SORCS1: variants seen among roughly 807,000 people sequenced by gnomAD.
The protein encoded by SORCS1 is sortilin related VPS10 domain containing receptor 1.
SORCS1 carries 60 observed loss-of-function variants against 146.1 expected under a neutral mutation model. The observed-to-expected ratio is 0.41, with a 90% CI of 0.33 to 0.51. The LOEUF (loss-of-function observed/expected upper bound fraction) is 0.51. Among genes scored for constraint, SORCS1 ranks in the 20% least tolerant of loss-of-function variants. The pLI is 0.21. For synonymous variants in SORCS1, 637 were observed against 584.0 expected (o/e 1.09, Z -1.31); for missense variants, 1,352 against 1,487.6 (o/e 0.91, Z 1.50).
chr10:106,641,903 T>C (rs1307295916), intron 18 of SORCS1, among the ~76,000 whole-genome samples: 1 of 152,190 alleles, frequency 6.6e-6, no homozygotes, highest in Admixed American at 6.5e-5. Context: ...AAACTCAATA[T>C]AACAGAGGTC....
At chr10:107,111,390 GA>G (rs1965690797) in intron 1 of SORCS1, among the ~76,000 whole-genome samples, 1 of 152,016 alleles carries the variant, frequency 6.6e-6, no homozygotes, top group Non-Finnish European at 1.5e-5. Context: ...GAATCAAACA[GA>G]AATCCTAGAG....
chr10:106,853,697 AT>A (rs1311614094), intron 2 of SORCS1, among the ~76,000 whole-genome samples: 1 of 151,316 alleles, frequency 6.6e-6, no homozygotes, highest in Admixed American at 6.6e-5. Flanking sequence ...TTCTCTTGAG[AT>A]TTTTTCTTTG....
intron 1 of SORCS1, among the ~76,000 whole-genome samples, chr10:107,157,679 T>C (rs547640073): frequency 1.1e-4 from 16 of 152,318 alleles, no homozygotes; most frequent in Admixed American, 3.9e-4. Flanking sequence ...CCTATCTACA[T>C]TCTAGGATAA....
chr10:106,606,025 G>A (rs78165048), intron 23 of SORCS1, among the ~76,000 whole-genome samples: 2 of 152,122 alleles, frequency 1.3e-5, no homozygotes, highest in African/African-American at 4.8e-5. Context: ...TTACTTAGTG[G>A]CCGAGAGGAA....
chr10:107,130,668 T>C (rs7083707), intron 1 of SORCS1, among the ~76,000 whole-genome samples: 13,153 of 151,956 alleles, frequency 0.087, 651 homozygotes, highest in African/African-American at 0.15. Flanking sequence ...TTGGCCCTTA[T>C]CCTACCTGAA....
rs1471957015 is a variant in SORCS1 at position 107,060,701 on chromosome 10, T to C, written c.558+103268A>G. ...TCACGGTTTTCTCCTCTCTTGACAC[T>C]TGCAGTCATGTTTACTCTTAGACAA... On this transcript the variant is annotated intron_variant, in intron 1 of 25. Coordinates refer to ENST00000263054, the MANE Select transcript of SORCS1 (RefSeq NM_052918.5). This position sits in a 1 kb window ranked among gnomAD's most constrained non-coding sequence, Gnocchi z 4.1. 6.6e-6 allele frequency among the ~76,000 whole-genome samples: 1 copy of C among 152,214 alleles called. No homozygotes were observed. Among genetic ancestry groups the C allele is most frequent in the Non-Finnish European group, 1.5e-5 (1 of 68,042 alleles).
chr10:106,877,545 C>CA (rs950804383), intron 2 of SORCS1, among the ~76,000 whole-genome samples: 5 of 151,968 alleles, frequency 3.3e-5, no homozygotes, highest in Non-Finnish European at 7.4e-5. Flanking sequence ...CAGAACAAAA[C>CA]AAAAAACTGA....
At chr10:106,971,648 G>T (rs1955791015) in intron 1 of SORCS1, among the ~76,000 whole-genome samples, 1 of 152,196 alleles carries the variant, frequency 6.6e-6, no homozygotes, top group African/African-American at 2.4e-5. Context: ...TGTAAAACAT[G>T]TCTATGATCT....
intron 1 of SORCS1, among the ~76,000 whole-genome samples, chr10:107,133,677 T>C (rs538126002): frequency 3.3e-5 from 5 of 152,312 alleles, no homozygotes; most frequent in Admixed American, 6.5e-5. Flanking sequence ...TTTCTTACTT[T>C]CTTCCCTTGT....
intron 1 of SORCS1, among the ~76,000 whole-genome samples, chr10:107,115,316 G>A (rs1042116227): frequency 6.6e-6 from 1 of 150,844 alleles, no homozygotes; most frequent in East Asian, 1.9e-4. Context: ...TGAAGAAAAA[G>A]AACAAAGCTA....
At chr10:107,099,995 G>A (rs10787008) in intron 1 of SORCS1, among the ~76,000 whole-genome samples, 80,831 of 152,056 alleles carry the variant, frequency 0.53, 22,144 homozygotes, top group Middle Eastern at 0.66. Flanking sequence ...AAACTCTCTT[G>A]CATTTGCACA....
chr10:107,125,743 T>G (rs749431121), intron 1 of SORCS1, among the ~76,000 whole-genome samples: 1 of 152,232 alleles, frequency 6.6e-6, no homozygotes, highest in African/African-American at 2.4e-5. Flanking sequence ...TGTGTCTTAA[T>G]TGAATCATTC....
At chr10:106,603,536 T>A (rs1267145376) in intron 23 of SORCS1, among the ~76,000 whole-genome samples, 1 of 152,172 alleles carries the variant, frequency 6.6e-6, no homozygotes, top group Non-Finnish European at 1.5e-5. Context: ...GAAGGAGGAC[T>A]GAGAGTCCTT....
chr10:107,023,470 C>T (rs1056408864), intron 1 of SORCS1, among the ~76,000 whole-genome samples: 1 of 152,122 alleles, frequency 6.6e-6, no homozygotes, highest in Non-Finnish European at 1.5e-5. Context: ...CAAATTTAAT[C>T]CCATAAACAT....
At chr10:106,849,400 C>T (rs1949448671) in intron 2 of SORCS1, among the ~76,000 whole-genome samples, 1 of 147,888 alleles carries the variant, frequency 6.8e-6, no homozygotes, top group African/African-American at 2.5e-5. Flanking sequence ...CTTCTGCATT[C>T]TTCAGGTAGT....
Position 106,770,501 on chromosome 10 carries a change from C to T in SORCS1, c.885+6033G>A, listed in dbSNP as rs181705679. Among the ~76,000 whole-genome samples, 1,325 of 146,716 alleles carry T rather than the reference C, an allele frequency of 9.0e-3. 23 individuals carry two copies. Among genetic ancestry groups the T allele is most frequent in the African/African-American group, 0.032 (1,258 of 39,912 alleles). On this transcript the variant is annotated intron_variant, in intron 4 of 25. Transcript: ENST00000263054. ...ATCGCAAAAAAAAAAAAAAAATTAA[C>T]ATCTTCTCAAATAAAATCAAAAGAG...
At position 106,574,750 on chromosome 10, in the gene SORCS1, A is replaced by G. The variant is rs1844506761; in HGVS notation, c.*2670T>C. The G allele has an allele frequency of 6.6e-6, 1 of 152,246 alleles. No individual in the cohort carries two copies. The highest frequency in any genetic ancestry group is 6.6e-5 in the Admixed American group (1 of 15,258). 9.4% of individuals were successfully genotyped at this position (152,246 alleles called of 1,614,324 possible). A position where few individuals can be genotyped will look rare whatever the true frequency, so the allele number is the denominator to read the frequency against. ...AACAACTGGCCAAGGTCCTAAGAAC[A>G]ATGAGGTCCTCCTCTCTGAGCAGCA... On this transcript the variant is annotated 3_prime_UTR_variant, in exon 26 of 26. Coordinates refer to ENST00000263054, the MANE Select transcript of SORCS1 (RefSeq NM_052918.5).
At chr10:107,101,750 T>TGC (rs1491280866) in intron 1 of SORCS1, among the ~76,000 whole-genome samples, 5 of 36,896 alleles carry the variant, frequency 1.4e-4, no homozygotes, top group Non-Finnish European at 3.8e-4. Context: ...GGGCTAATTA[T>TGC]GTGTGTGTGT....
chr10:107,066,409 G>A (rs990410351), intron 1 of SORCS1, among the ~76,000 whole-genome samples: 5 of 152,124 alleles, frequency 3.3e-5, no homozygotes, highest in African/African-American at 9.7e-5. Flanking sequence ...AGTGAAATGG[G>A]AATGTGTTAT....
Sources: allele counts gnomAD v4.1 joint callset (sites outside exome capture counted in the v4.1 genomes callset), GRCh38; gene constraint gnomAD v4.1.1; non-coding constraint Gnocchi (gnomAD v3.1); transcripts MANE v1.5; gene names NCBI Gene and HGNC (gene_info 2026-07-23, HGNC 2026-07-21).